RAP1A: variants seen among roughly 807,000 people sequenced by gnomAD.
RAP1A encodes ras-related protein Rap-1A.
Under a neutral mutation model 26.4 loss-of-function variants are expected in RAP1A, and 6 were observed. The ratio of observed to expected loss-of-function variants is 0.23; its 90% CI spans 0.12 to 0.45. The LOEUF is 0.45. RAP1A is among the 20% of genes least tolerant of loss of function. The pLI is 0.99. For synonymous variants in RAP1A, 73 were observed against 79.4 expected, an observed-to-expected ratio of 0.92 and a Z score of 0.43; for missense variants, 121 against 217.2, an observed-to-expected ratio of 0.56 and a Z score of 2.78.
At chr1:111,693,998 C>T (rs1436598171) in intron 2 of RAP1A, among the ~76,000 whole-genome samples, 6 of 151,948 alleles carry the variant, frequency 3.9e-5, no homozygotes, top group African/African-American at 1.5e-4. Flanking sequence ...AAGCAATCCT[C>T]CCACCTTAGC....
intron 1 of RAP1A, among the ~76,000 whole-genome samples, chr1:111,668,209 CTAG>C (rs969216039): frequency 1.2e-3 from 176 of 152,310 alleles, no homozygotes; most frequent in Middle Eastern, 0.01. Context: ...ATTCTGGCCA[CTAG>C]TAACTCCAGG....
intron 1 of RAP1A, among the ~76,000 whole-genome samples, chr1:111,589,349 G>A (rs189877636): frequency 2.6e-4 from 40 of 152,308 alleles, no homozygotes; most frequent in African/African-American, 9.6e-4. Flanking sequence ...GGAGGCTGAG[G>A]CAGGAGGATT....
chr1:111,646,614 C>T (rs998056894), intron 1 of RAP1A, among the ~76,000 whole-genome samples: 1 of 151,996 alleles, frequency 6.6e-6, no homozygotes, highest in Non-Finnish European at 1.5e-5. Flanking sequence ...AATCTCGGCT[C>T]ACTGCAAGCT....
chr1:111,701,621 A>T (rs1662026287), intron 4 of RAP1A, among the ~76,000 whole-genome samples: 1 of 152,278 alleles, frequency 6.6e-6, no homozygotes, highest in African/African-American at 2.4e-5. Flanking sequence ...GAATGTCCTT[A>T]AGAAGGAGGT....
chr1:111,639,303 G>A lies in RAP1A; in HGVS notation c.-28+19369G>A, dbSNP rs143556879. On this transcript the variant is annotated intron_variant, in intron 1 of 7. Transcript: ENST00000369709. Reference sequence around the variant, plus strand: ...AAATATCAGAATAGATGTTATAGTAGGTAACACTTTTCTGAATTAGAATCC... The same window carrying A: ...AAATATCAGAATAGATGTTATAGTAAGTAACACTTTTCTGAATTAGAATCC... 5.2e-4 allele frequency among the ~76,000 whole-genome samples: 79 copies of A among 152,078 alleles called. No individual in the cohort carries two copies. The East Asian group carries it at 0.014, about 26-fold the overall frequency.
At chr1:111,695,692 T>C (rs1454827349) in intron 3 of RAP1A, among the ~76,000 whole-genome samples, 4 of 152,334 alleles carry the variant, frequency 2.6e-5, no homozygotes, top group African/African-American at 9.6e-5. Context: ...ATAGTAGGTG[T>C]GTTTTCAACT....
At chr1:111,593,041 C>T (rs933931056) in intron 1 of RAP1A, among the ~76,000 whole-genome samples, 3 of 151,978 alleles carry the variant, frequency 2.0e-5, no homozygotes, top group Non-Finnish European at 2.9e-5. Context: ...AGAAACAAAA[C>T]GAGCAAGTTG....
At chr1:111,590,594 C>CT (rs976316986) in intron 1 of RAP1A, among the ~76,000 whole-genome samples, 73 of 141,914 alleles carry the variant, frequency 5.1e-4, no homozygotes, top group South Asian at 4.2e-3. Flanking sequence ...TTCTAATGGT[C>CT]TTTTTTTTTT....
chr1:111,597,016 A>G (rs915261219), intron 1 of RAP1A, among the ~76,000 whole-genome samples: 2 of 152,232 alleles, frequency 1.3e-5, no homozygotes, highest in Non-Finnish European at 2.9e-5. Flanking sequence ...GCTGGAGTTA[A>G]GGATGGCTCA....
At chr1:111,587,511 G>C (rs61788216) in intron 1 of RAP1A, among the ~76,000 whole-genome samples, 1 of 151,890 alleles carries the variant, frequency 6.6e-6, no homozygotes, top group African/African-American at 2.4e-5. Flanking sequence ...TACTCTATTC[G>C]TTATCCTCTC....
At chr1:111,648,330 T>A (rs1376566675) in intron 1 of RAP1A, 8 of 813,074 alleles carry the variant, frequency 9.8e-6, no homozygotes, top group Non-Finnish European at 1.4e-5. Context: ...GATACCACTT[T>A]GCCATCCACT....
chr1:111,577,590 G>T (rs1658172687), intron 1 of RAP1A, among the ~76,000 whole-genome samples: 1 of 151,976 alleles, frequency 6.6e-6, no homozygotes, highest in African/African-American at 2.4e-5. Flanking sequence ...CAGACTGTAA[G>T]ATCAAATATA....
intron 1 of RAP1A, among the ~76,000 whole-genome samples, chr1:111,585,258 A>G (rs1400785554): frequency 6.6e-6 from 1 of 152,226 alleles, no homozygotes. Flanking sequence ...CACATCAAAT[A>G]ATAAATTACT....
Position 111,688,097 on chromosome 1 carries a change from C to CTTT in RAP1A, c.-27-3224_-27-3222dup, listed in dbSNP as rs542315869. Among the ~76,000 whole-genome samples the CTTT allele has an allele frequency of 3.0e-3, 369 of 124,136 alleles. 1 individual carries two copies. Among genetic ancestry groups the CTTT allele is most frequent in the East Asian group, 0.011 (49 of 4,376 alleles). The allele number at this position is 124,136 out of a possible 152,430, so 81.4% of individuals were successfully genotyped here. A position where few individuals can be genotyped will look rare whatever the true frequency, so the allele number is the denominator to read the frequency against. ...ATGCTGGTGAACTTTTTGCCTCCAG[C>CTTT]TTTTTTTTTTTTTTTCCTGCCCCCA... On this transcript the variant is annotated intron_variant, in intron 1 of 7. Transcript: ENST00000369709.
At chr1:111,679,292 C>T (rs12033081) in intron 1 of RAP1A, among the ~76,000 whole-genome samples, 8,866 of 152,094 alleles carry the variant, frequency 0.058, 279 homozygotes, top group Non-Finnish European at 0.069. Context: ...AAGGGGTCAG[C>T]GAACTCCCTC....
chr1:111,674,300 T>C (rs541943061), intron 1 of RAP1A, among the ~76,000 whole-genome samples: 2 of 152,042 alleles, frequency 1.3e-5, no homozygotes, highest in East Asian at 3.9e-4. Context: ...TTTTTTTTTT[T>C]TCATGGAATC....
chr1:111,656,275 A>G (rs979234816), intron 1 of RAP1A, among the ~76,000 whole-genome samples: 1 of 152,088 alleles, frequency 6.6e-6, no homozygotes, highest in Non-Finnish European at 1.5e-5. Flanking sequence ...GAATTGCAAC[A>G]CCTTAACCTC....
chr1:111,631,222 T>TTTAA (rs1659558190), intron 1 of RAP1A, among the ~76,000 whole-genome samples: 1 of 152,228 alleles, frequency 6.6e-6, no homozygotes, highest in African/African-American at 2.4e-5. Flanking sequence ...TTTGTTAGTT[T>TTTAA]TTAAGTCTTT....
At chr1:111,663,067 C>A (rs1660689654) in intron 1 of RAP1A, among the ~76,000 whole-genome samples, 1 of 152,198 alleles carries the variant, frequency 6.6e-6, no homozygotes, top group Non-Finnish European at 1.5e-5. Flanking sequence ...GCACGAGCCA[C>A]CATGCCCAGT....
Sources: gnomAD v4.1 joint callset for allele counts (sites outside exome capture counted in the v4.1 genomes callset) on GRCh38, gnomAD v4.1.1 for gene constraint, MANE v1.5 for transcripts, NCBI Gene and HGNC (gene_info 2026-07-23, HGNC 2026-07-21) for gene names.